The following GALNT9 variants were observed in gnomAD, a reference collection of about 807,000 sequenced individuals.
The protein encoded by GALNT9 is GalNAc transferase 9.
A neutral mutation model predicts 63.1 loss-of-function variants in GALNT9; 47 were observed. The ratio of observed to expected loss-of-function variants is 0.75; its 90% CI spans 0.59 to 0.95. The LOEUF is 0.95. GALNT9 is among the 40% of genes least tolerant of loss of function. The pLI, the probability that GALNT9 is intolerant of heterozygous loss-of-function variation, is 0.00. For missense variants in GALNT9, 829 were observed against 874.8 expected, an observed-to-expected ratio of 0.95 and a Z score of 0.66; for synonymous variants, 396 against 365.7, an observed-to-expected ratio of 1.08 and a Z score of -0.94.
intron 7 of GALNT9, among the ~76,000 whole-genome samples, chr12:132,202,439 C>T (rs1467234347): frequency 6.6e-6 from 1 of 152,196 alleles, no homozygotes. Flanking sequence ...AGTGAATGGT[C>T]CAGCCCGGGG....
intron 1 of GALNT9, among the ~76,000 whole-genome samples, chr12:132,309,582 GAA>G (rs1881740001): frequency 6.6e-6 from 1 of 152,208 alleles, no homozygotes; most frequent in South Asian, 2.1e-4. Context: ...GTCACAGGCA[GAA>G]AAGAGAGGCC....
intron 1 of GALNT9, among the ~76,000 whole-genome samples, chr12:132,303,465 A>G (rs374096690): frequency 0.27 from 12,008 of 44,558 alleles, 1,213 homozygotes; most frequent in South Asian, 0.43. Flanking sequence ...CCTCGCCCGG[A>G]CACACCCTCA....
intron 6 of GALNT9, chr12:132,240,521 G>A (rs1555236835): frequency 4.6e-6 from 2 of 434,960 alleles, no homozygotes; most frequent in African/African-American, 4.1e-5. Flanking sequence ...GTCGCTGGCA[G>A]TGCTGCTGTG....
intron 1 of GALNT9, among the ~76,000 whole-genome samples, chr12:132,312,884 A>C (rs1881863277): frequency 6.6e-6 from 1 of 151,998 alleles, no homozygotes; most frequent in Non-Finnish European, 1.5e-5. Flanking sequence ...TCAGCCCAAA[A>C]CTTGTGTCAG....
At chr12:132,219,134 C>T (rs1161064108) in intron 6 of GALNT9, among the ~76,000 whole-genome samples, 1 of 152,176 alleles carries the variant, frequency 6.6e-6, no homozygotes, top group Non-Finnish European at 1.5e-5. Context: ...TCCCTGAAGC[C>T]CTGTCCCTTG....
rs1292077846 is a variant in GALNT9, at chr12:132,302,815, G to A, written c.239-16385C>T. 2.0e-5 allele frequency among the ~76,000 whole-genome samples: 3 copies of A among 152,336 alleles called. No homozygotes were observed. In the East Asian group the frequency reaches 5.8e-4, roughly 29 times the overall value. ...AGGGCTGTGGCAGCAGAAAGGGGAC[G>A]GGACGGGGTGGGAGCTTTCTGTGCC... On this transcript the variant is annotated intron_variant, in intron 1 of 10. Transcript: ENST00000328957.
chr12:132,316,071 G>C lies in GALNT9; in HGVS notation c.238+12895C>G, dbSNP rs78331326. 6.6e-6 allele frequency among the ~76,000 whole-genome samples: 1 copy of C among 152,024 alleles called. No individual in the cohort carries two copies. The highest frequency in any genetic ancestry group is 2.4e-5 in the African/African-American group (1 of 41,412). On this transcript the variant is annotated intron_variant, in intron 1 of 10. Coordinates refer to ENST00000328957, the MANE Select transcript of GALNT9 (RefSeq NM_001122636.2). The surrounding 1 kb of genome is among the most constrained non-coding windows in gnomAD (Gnocchi z 4.3). ...CTCACGCCTGCAGGTCTTGGGTTCC[G>C]TCATGTTTCCTCATCAGCCTTTCGC... is the stretch of plus-strand genomic sequence containing the variant.
chr12:132,236,702 C>T lies in GALNT9; in HGVS notation c.1077+11208G>A, dbSNP rs2136894942. On this transcript the variant is annotated intron_variant, in intron 6 of 10. Transcript: ENST00000328957. This position sits in a 1 kb window ranked among gnomAD's most constrained non-coding sequence, Gnocchi z 5.6. ...CCCAGCCTCGCAAGGTGTAAGGTTT[C>T]GGGGCATCAAGCCTGGCCTCGGCCA... Among the ~76,000 whole-genome samples, 10 of 152,188 alleles carry T rather than the reference C, an allele frequency of 6.6e-5. No individual in the cohort carries two copies. The highest frequency in any genetic ancestry group is 1.0e-4 in the Non-Finnish European group (7 of 68,026).
chr12:132,197,642 G>A, intron 10 of GALNT9, 150 bp downstream of exon 10: 1 of 649,508 alleles, frequency 1.5e-6, no homozygotes, highest in Non-Finnish European at 2.7e-6. Context: ...GCCCATAAGG[G>A]AACAGCTGAT....
chr12:132,239,434 A>ACAGAGT (rs1878141736), intron 6 of GALNT9, among the ~76,000 whole-genome samples: 2 of 151,900 alleles, frequency 1.3e-5, no homozygotes, highest in Non-Finnish European at 2.9e-5. Context: ...AGACAGAGAG[A>ACAGAGT]CAGAGTCAGA....
chr12:132,294,818 G>T (rs544731795), intron 1 of GALNT9, among the ~76,000 whole-genome samples: 1 of 152,344 alleles, frequency 6.6e-6, no homozygotes, highest in East Asian at 1.9e-4. Flanking sequence ...AAATCCCACG[G>T]ATCTGATTTT....
intron 6 of GALNT9, 153 bp downstream of exon 6, chr12:132,247,757 C>G: frequency 7.8e-7 from 1 of 1,281,186 alleles, no homozygotes. Context: ...ATGCCGTGGC[C>G]GCACTCGCCC....
intron 6 of GALNT9, among the ~76,000 whole-genome samples, chr12:132,225,139 T>C (rs1328794053): frequency 1.6e-3 from 128 of 80,456 alleles, no homozygotes; most frequent in African/African-American, 1.9e-3. Context: ...AACTCACACC[T>C]CACACACTGT....
chr12:132,250,377 G>A (rs1324429756), intron 5 of GALNT9, among the ~76,000 whole-genome samples: 3 of 152,344 alleles, frequency 2.0e-5, no homozygotes, highest in East Asian at 1.9e-4. Flanking sequence ...GCAGCTGCAC[G>A]ACACTGTGAT....
chr12:132,259,560 C>A (rs1198959406), intron 4 of GALNT9, among the ~76,000 whole-genome samples: 1 of 152,172 alleles, frequency 6.6e-6, no homozygotes, highest in Non-Finnish European at 1.5e-5. Context: ...GACTGAGATG[C>A]CCCAGGAAAG....
intron 1 of GALNT9, among the ~76,000 whole-genome samples, chr12:132,290,173 G>A (rs1454745387): frequency 6.6e-6 from 1 of 152,150 alleles, no homozygotes; most frequent in African/African-American, 2.4e-5. Flanking sequence ...GCTGCCTGTG[G>A]AAAGAGGGCC....
At chr12:132,275,435 C>T (rs1340654828) in intron 2 of GALNT9, 4 of 152,290 alleles carry the variant, frequency 2.6e-5, no homozygotes, top group Admixed American at 2.0e-4. Context: ...ACAGTGGAGG[C>T]TCAGGCTAAG....
rs551486850 is a variant in GALNT9, at chr12:132,254,757, G to GGTCTGTCCCTATT, written c.959+2919_959+2931dup. Among the ~76,000 whole-genome samples, 4 of 152,296 alleles carry GGTCTGTCCCTATT rather than the reference G, an allele frequency of 2.6e-5. No individual in the cohort carries two copies. The South Asian group carries it at 8.3e-4, about 32-fold the overall frequency. ...TTCTCTTGAAATAGTCAGTCCTCTTGGTCTGTCCCTATTCTCCCTCTCCCG... is the reference window on the plus strand; with the variant it reads ...TTCTCTTGAAATAGTCAGTCCTCTTGGTCTGTCCCTATTGTCTGTCCCTATTCTCCCTCTCCCG... On this transcript the variant is annotated intron_variant, in intron 5 of 10. Transcript: ENST00000328957.
chr12:132,240,507 T>G (rs782444245), intron 6 of GALNT9: 1 of 423,850 alleles, frequency 2.4e-6, no homozygotes, highest in East Asian at 7.1e-5. Flanking sequence ...CGGCACTCAC[T>G]CCAGTCGCTG....
Sources: allele counts gnomAD v4.1 joint callset (sites outside exome capture counted in the v4.1 genomes callset), GRCh38; gene constraint gnomAD v4.1.1; non-coding constraint Gnocchi (gnomAD v3.1); transcripts MANE v1.5; gene names NCBI Gene and HGNC (gene_info 2026-07-23, HGNC 2026-07-21).